The following CNTNAP2 variants were observed in gnomAD, a reference collection of about 807,000 sequenced individuals.
The protein encoded by CNTNAP2 is contactin associated protein 2, also known as contactin-associated protein-like 2.
CNTNAP2 carries 98 observed loss-of-function variants against 155.2 expected under a neutral mutation model. The observed-to-expected ratio is 0.63, with a 90% CI of 0.54 to 0.75. CNTNAP2 has a LOEUF of 0.75. Among genes scored for constraint, CNTNAP2 ranks in the 30% least tolerant of loss-of-function variants. The pLI is 0.00. For missense variants in CNTNAP2, 1,727 were observed against 1,688.1 expected, an observed-to-expected ratio of 1.02 and a Z score of -0.40; for synonymous variants, 651 against 631.2, an observed-to-expected ratio of 1.03 and a Z score of -0.47.
At chr7:146,485,411 T>C (rs558041123) in intron 1 of CNTNAP2, among the ~76,000 whole-genome samples, 2 of 152,274 alleles carry the variant, frequency 1.3e-5, no homozygotes, top group Middle Eastern at 3.4e-3. Context: ...ATGATACCAA[T>C]TGAGAGATGA....
chr7:147,750,103 T>G (rs1033068482), intron 13 of CNTNAP2, among the ~76,000 whole-genome samples: 5 of 152,226 alleles, frequency 3.3e-5, no homozygotes, highest in Non-Finnish European at 7.3e-5. Context: ...ATTGAAATCT[T>G]GTTCCACCCC....
intron 13 of CNTNAP2, among the ~76,000 whole-genome samples, chr7:147,645,273 C>T (rs1028863669): frequency 1.3e-5 from 2 of 152,014 alleles, no homozygotes; most frequent in African/African-American, 2.4e-5. Flanking sequence ...AACTTTGGTG[C>T]GGCTATCAAG....
chr7:146,330,449 G>C (rs1376043180), intron 1 of CNTNAP2, among the ~76,000 whole-genome samples: 3 of 152,164 alleles, frequency 2.0e-5, no homozygotes, highest in Non-Finnish European at 4.4e-5. Flanking sequence ...TGTTCTCACA[G>C]AGCACACAAT....
At chr7:147,456,345 G>A (rs1375586187) in intron 10 of CNTNAP2, among the ~76,000 whole-genome samples, 5 of 152,028 alleles carry the variant, frequency 3.3e-5, no homozygotes, top group Admixed American at 1.3e-4. Flanking sequence ...AAACTGAAAA[G>A]TATCAATGAA....
chr7:148,211,123 A>G (rs1795540932), intron 18 of CNTNAP2, among the ~76,000 whole-genome samples: 1 of 152,208 alleles, frequency 6.6e-6, no homozygotes, highest in Non-Finnish European at 1.5e-5. Context: ...ACTAATTAAA[A>G]AGCAGTTAAT....
intron 18 of CNTNAP2, among the ~76,000 whole-genome samples, chr7:148,207,042 A>G (rs1795461130): frequency 6.6e-6 from 1 of 152,160 alleles, no homozygotes; most frequent in Admixed American, 6.5e-5. Flanking sequence ...TCTGTCTCCC[A>G]ACCCACCGCA....
At chr7:146,676,057 CTATAT>C (rs773231627) in intron 1 of CNTNAP2, among the ~76,000 whole-genome samples, 12 of 151,958 alleles carry the variant, frequency 7.9e-5, no homozygotes, top group Non-Finnish European at 1.5e-4. Flanking sequence ...ATAGGCTAAG[CTATAT>C]TATATTTTCT....
chr7:147,023,484 C>T (rs1798850305), intron 3 of CNTNAP2, among the ~76,000 whole-genome samples: 1 of 152,160 alleles, frequency 6.6e-6, no homozygotes, highest in South Asian at 2.1e-4. Flanking sequence ...ACTAGAGTCA[C>T]CACCAGTATA....
At chr7:146,845,193 G>A (rs905486650) in intron 3 of CNTNAP2, among the ~76,000 whole-genome samples, 2 of 152,132 alleles carry the variant, frequency 1.3e-5, no homozygotes, top group African/African-American at 4.8e-5. Context: ...CAAGGCATAA[G>A]CTGGACCACG....
chr7:146,314,797 G>A (rs1800881366), intron 1 of CNTNAP2, among the ~76,000 whole-genome samples: 1 of 152,156 alleles, frequency 6.6e-6, no homozygotes, highest in South Asian at 2.1e-4. Context: ...AGTCCTGCTT[G>A]AGCATTCAGA....
intron 10 of CNTNAP2, among the ~76,000 whole-genome samples, chr7:147,399,638 T>G: frequency 6.6e-6 from 1 of 152,150 alleles, no homozygotes; most frequent in East Asian, 1.9e-4. Flanking sequence ...AAATTCAAGG[T>G]TGGACATGAA....
At chr7:147,174,178 T>C (rs2116483316) in intron 8 of CNTNAP2, among the ~76,000 whole-genome samples, 1 of 152,250 alleles carries the variant, frequency 6.6e-6, no homozygotes, top group South Asian at 2.1e-4. Context: ...AAAAACTGAA[T>C]TTTTTAAAAC....
At chr7:147,670,449 C>A (rs1795768383) in intron 13 of CNTNAP2, among the ~76,000 whole-genome samples, 1 of 152,168 alleles carries the variant, frequency 6.6e-6, no homozygotes. Flanking sequence ...CTGTTTCTGG[C>A]TCAAATATTT....
chr7:146,203,679 C>A (rs1227505073), intron 1 of CNTNAP2, among the ~76,000 whole-genome samples: 1 of 152,078 alleles, frequency 6.6e-6, no homozygotes, highest in Non-Finnish European at 1.5e-5. Flanking sequence ...TGGGTTGGGG[C>A]AGAAAGTCCC....
chr7:146,758,722 A>G (rs371538093), intron 1 of CNTNAP2, among the ~76,000 whole-genome samples: 4 of 152,294 alleles, frequency 2.6e-5, no homozygotes, highest in African/African-American at 7.2e-5. Flanking sequence ...TACTTTCCAC[A>G]GGGTCCCTCC....
intron 13 of CNTNAP2, among the ~76,000 whole-genome samples, chr7:147,766,109 T>G (rs1400349278): frequency 6.6e-6 from 1 of 152,146 alleles, no homozygotes; most frequent in Non-Finnish European, 1.5e-5. Context: ...AGGAAGTTTT[T>G]GGGGTTGATG....
chr7:146,693,421 A>G (rs1485561641), intron 1 of CNTNAP2, among the ~76,000 whole-genome samples: 4 of 151,758 alleles, frequency 2.6e-5, no homozygotes. Flanking sequence ...CTTACTCTCT[A>G]TATGTGTTTT....
intron 18 of CNTNAP2, among the ~76,000 whole-genome samples, chr7:148,202,787 A>G (rs1029287744): frequency 1.1e-4 from 16 of 152,350 alleles, no homozygotes; most frequent in African/African-American, 3.8e-4. Flanking sequence ...TCGTGTGTGC[A>G]TGAAGATGAC....
intron 8 of CNTNAP2, among the ~76,000 whole-genome samples, chr7:147,137,561 G>A (rs1801509836): frequency 6.6e-6 from 1 of 151,526 alleles, no homozygotes. Context: ...TGTTACAAAT[G>A]GAAATTAAAT....
Sources: allele counts gnomAD v4.1 joint callset (sites outside exome capture counted in the v4.1 genomes callset), GRCh38; gene constraint gnomAD v4.1.1; transcripts MANE v1.5; gene names NCBI Gene and HGNC (gene_info 2026-07-23, HGNC 2026-07-21).